Variants in DGKG observed in about 807,000 individuals in gnomAD.
The protein encoded by DGKG is diacylglycerol kinase gamma, also known as DAG kinase gamma.
In DGKG, 78 loss-of-function variants were observed where a neutral mutation model predicts 105.3. The ratio of observed to expected loss-of-function variants is 0.74; its 90% CI spans 0.62 to 0.89. The LOEUF (loss-of-function observed/expected upper bound fraction) is 0.89, where lower values mean the gene tolerates loss of function less well. DGKG is among the 40% of genes least tolerant of loss of function. The pLI, the probability that DGKG is intolerant of heterozygous loss-of-function variation, is 0.00. For missense variants in DGKG, 958 were observed against 1,020.1 expected, an observed-to-expected ratio of 0.94 and a Z score of 0.83; for synonymous variants, 346 against 367.1, an observed-to-expected ratio of 0.94 and a Z score of 0.66.
intron 19 of DGKG, 27 bp downstream of exon 19, chr3:186,251,730 TAC>T: frequency 1.2e-6 from 2 of 1,613,624 alleles, no homozygotes; most frequent in Non-Finnish European, 1.7e-6. Flanking sequence ...TTCCCTTCCA[TAC>T]AGAAAGGTGA....
intron 24 of DGKG, among the ~76,000 whole-genome samples, chr3:186,153,201 C>T (rs1045446291): frequency 2.4e-4 from 37 of 151,842 alleles, no homozygotes; most frequent in African/African-American, 8.7e-4. Context: ...ACTATAGAAC[C>T]GAAAGAAGTA....
intron 2 of DGKG, among the ~76,000 whole-genome samples, chr3:186,308,615 T>C (rs1018036601): frequency 6.6e-6 from 1 of 152,182 alleles, no homozygotes; most frequent in Non-Finnish European, 1.5e-5. Flanking sequence ...ATTTCAGGAT[T>C]GAGACATATT....
intron 1 of DGKG, among the ~76,000 whole-genome samples, chr3:186,331,233 A>G (rs1299034497): frequency 6.6e-6 from 1 of 152,260 alleles, no homozygotes; most frequent in Non-Finnish European, 1.5e-5. Flanking sequence ...CTGACATGCA[A>G]TGACAACAAC....
Position 186,284,674 on chromosome 3 carries a change from G to C in DGKG, c.580C>G (p.Leu194Val). Residue 194 changes from leucine to valine, a missense_variant, in exon 7 of 25, where the codon CTC (leucine) becomes GTC (valine). Around this residue, in one of 2 missense-constraint regions of DGKG, gnomAD observed 643 missense variants for 619.5 expected, o/e 1.04. Transcript: ENST00000265022. The surrounding 1 kb of genome is among the most constrained non-coding windows in gnomAD (Gnocchi z 4.0). Reference sequence around the variant, plus strand: ...TGAGAACTTACCGCTTGGTCCAGGAGACCGTTCTCATCTGAATCATAGAGG... The same window carrying C: ...TGAGAACTTACCGCTTGGTCCAGGACACCGTTCTCATCTGAATCATAGAGG... ...FRLYDSDENG[L>V]LDQAEMDCIV... 3 of 1,613,846 alleles carry C rather than the reference G, an allele frequency of 1.9e-6. No individual in the cohort carries two copies. The highest frequency in any genetic ancestry group is 2.5e-6 in the Non-Finnish European group (3 of 1,179,780).
intron 21 of DGKG, among the ~76,000 whole-genome samples, chr3:186,205,890 T>TAAA (rs932442027): frequency 1.3e-5 from 2 of 149,668 alleles, no homozygotes; most frequent in African/African-American, 4.9e-5. Flanking sequence ...CAATAAATAC[T>TAAA]AAAAAAAAAA....
Position 186,210,732 on chromosome 3 carries a change from C to T in DGKG, c.1917+1063G>A, listed in dbSNP as rs370520443. 9 of 386,100 alleles carry T rather than the reference C, an allele frequency of 2.3e-5. 1 individual carries two copies. The highest frequency in any genetic ancestry group is 4.3e-5 in the African/African-American group (2 of 46,486). 23.9% of individuals were successfully genotyped at this position (386,100 alleles called of 1,614,324 possible). On this transcript the variant is annotated intron_variant, in intron 21 of 24. Transcript: ENST00000265022. The surrounding 1 kb of genome is among the most constrained non-coding windows in gnomAD (Gnocchi z 5.2). ...GCCCAGGCCCCACTGGACTGCAGTGCGGGCTTAGAGGCCAAGCTGGTGGGC... is the reference window on the plus strand; with the variant it reads ...GCCCAGGCCCCACTGGACTGCAGTGTGGGCTTAGAGGCCAAGCTGGTGGGC...
intron 1 of DGKG, among the ~76,000 whole-genome samples, chr3:186,324,788 C>T (rs1169253033): frequency 1.3e-5 from 2 of 152,226 alleles, no homozygotes; most frequent in Non-Finnish European, 2.9e-5. Flanking sequence ...GGAGATTTCT[C>T]GAAGAACTTA....
In DGKG at chr3:186,362,030, C is replaced by G. The variant is rs1454625584; in HGVS notation, c.-333G>C. 52 of 152,254 alleles carry G rather than the reference C, an allele frequency of 3.4e-4. No individual in the cohort carries two copies. Among genetic ancestry groups the G allele is most frequent in the Admixed American group, 3.3e-3 (51 of 15,284 alleles). 9.4% of individuals were successfully genotyped at this position (152,254 alleles called of 1,614,324 possible). ...CCCTTACTTGGGAGGAAAGAGGAACCGAGAGACAGAAGGGGGACCGAAGCT... is the reference window on the plus strand; with the variant it reads ...CCCTTACTTGGGAGGAAAGAGGAACGGAGAGACAGAAGGGGGACCGAAGCT... On this transcript the variant is annotated 5_prime_UTR_variant, in exon 1 of 25. Coordinates refer to ENST00000265022, the MANE Select transcript of DGKG (RefSeq NM_001346.3).
chr3:186,173,386 G>A (rs906002542), intron 22 of DGKG, among the ~76,000 whole-genome samples: 3 of 152,220 alleles, frequency 2.0e-5, no homozygotes, highest in Non-Finnish European at 4.4e-5. Flanking sequence ...GCTGACAAGC[G>A]CTGGGTGTGT....
chr3:186,268,698 T>A (rs1408607288), intron 12 of DGKG, 103 bp downstream of exon 12: 4 of 794,466 alleles, frequency 5.0e-6, no homozygotes, highest in African/African-American at 1.7e-5. Flanking sequence ...CTCGCTCCCC[T>A]GGCTTTGCTC....
intron 22 of DGKG, among the ~76,000 whole-genome samples, chr3:186,175,030 C>T (rs1310713518): frequency 1.3e-5 from 2 of 152,140 alleles, no homozygotes; most frequent in African/African-American, 2.4e-5. Context: ...GAGGGAGAAG[C>T]GACATGTGGG....
At chr3:186,260,376 C>T (rs970645891) in intron 16 of DGKG, 63 bp downstream of exon 16, 13 of 1,161,386 alleles carry the variant, frequency 1.1e-5, no homozygotes, top group East Asian at 2.3e-5. Context: ...ACAAAAGAGG[C>T]ATCTTCATTG....
At chr3:186,333,905 A>G (rs1234226037) in intron 1 of DGKG, among the ~76,000 whole-genome samples, 3 of 152,128 alleles carry the variant, frequency 2.0e-5, no homozygotes, top group Admixed American at 6.5e-5. Flanking sequence ...CTAAAGAGAA[A>G]ACACTCAAGT....
Position 186,288,789 on chromosome 3 carries a change from T to G in DGKG, c.465A>C (p.Glu155Asp). Residue 155 changes from glutamate to aspartate, a missense_variant, in exon 6 of 25, where the codon GAA becomes GAC. Physicochemically the swap from Glu to Asp is conservative, Grantham distance 45. Coordinates refer to ENST00000265022, the MANE Select transcript of DGKG (RefSeq NM_001346.3). ...CATCCTTCAGGTATACCACTGGGGA[T>G]TCCGAGCTTGAAGACCGAGGGACGG... ...EPPVPRSSSS[E>D]SPVVYLKDVV... 1.2e-6 allele frequency: 2 copies of G among 1,613,696 alleles called. No homozygotes were observed. The highest frequency in any genetic ancestry group is 1.7e-6 in the Non-Finnish European group (2 of 1,179,774).
chr3:186,302,514 G>GTATATATATATATATACATATGTA (rs1724007287), intron 3 of DGKG, among the ~76,000 whole-genome samples: 1 of 16,744 alleles, frequency 6.0e-5, no homozygotes, highest in Non-Finnish European at 1.2e-4. Context: ...ATACATATGT[G>GTATATATATATATATACATATGTA]TATATATATA....
intron 1 of DGKG, among the ~76,000 whole-genome samples, chr3:186,352,866 G>C (rs1314168570): frequency 2.0e-5 from 3 of 152,016 alleles, no homozygotes; most frequent in Non-Finnish European, 2.9e-5. Flanking sequence ...GGCCACGTCA[G>C]TCCCCACTTA....
chr3:186,275,965 TATC>T (rs1722564755), intron 9 of DGKG, among the ~76,000 whole-genome samples: 1 of 149,816 alleles, frequency 6.7e-6, no homozygotes, highest in Non-Finnish European at 1.5e-5. Context: ...TCTATCTATC[TATC>T]TATCTATCTA....
chr3:186,356,252 C>T lies in DGKG; in HGVS notation c.-249+5694G>A, dbSNP rs114493950. Among the ~76,000 whole-genome samples, 687 of 152,248 alleles carry T rather than the reference C, an allele frequency of 4.5e-3. 9 individuals are homozygous for T. The highest frequency in any genetic ancestry group is 0.016 in the African/African-American group (653 of 41,534). On this transcript the variant is annotated intron_variant, in intron 1 of 24. Coordinates refer to ENST00000265022, the MANE Select transcript of DGKG (RefSeq NM_001346.3). ...TTATTGATGACTTAGATGAAGAGGT[C>T]GTGCTCATCAGATTCAGAGATGGCA...
At chr3:186,217,518 C>A (rs750652952) in intron 20 of DGKG, among the ~76,000 whole-genome samples, 2 of 152,170 alleles carry the variant, frequency 1.3e-5, no homozygotes, top group Non-Finnish European at 2.9e-5. Flanking sequence ...TTCTTAATTG[C>A]CCCCTGGCTT....
Sources: gnomAD v4.1 joint callset for allele counts (sites outside exome capture counted in the v4.1 genomes callset) on GRCh38, gnomAD v4.1.1 for gene constraint, gnomAD v4.1.1 regional missense constraint, Gnocchi (gnomAD v3.1) non-coding constraint, MANE v1.5 for transcripts, NCBI Gene and HGNC (gene_info 2026-07-23, HGNC 2026-07-21) for gene names.